ILRUN: variants seen among roughly 807,000 people sequenced by gnomAD.
The protein encoded by ILRUN is protein ILRUN.
A neutral mutation model predicts 33.8 loss-of-function variants in ILRUN; 3 were observed. The observed-to-expected ratio is 0.09, with a 90% CI of 0.04 to 0.23. The LOEUF (loss-of-function observed/expected upper bound fraction) is 0.23. Among genes scored for constraint, ILRUN ranks in the 10% least tolerant of loss-of-function variants. The probability of loss-of-function intolerance (pLI) is 1.00; values close to 1 mark genes in which losing one functional copy is unlikely to be tolerated. For missense variants in ILRUN, 210 were observed against 375.1 expected (o/e 0.56, Z 3.64); for synonymous variants, 124 against 138.9 (o/e 0.89, Z 0.75).
At chr6:34,656,855 A>C (rs930773141) in intron 1 of ILRUN, among the ~76,000 whole-genome samples, 1 of 152,232 alleles carries the variant, frequency 6.6e-6, no homozygotes, top group Non-Finnish European at 1.5e-5. Context: ...TGGCCTGCCT[A>C]TGGTATATGT....
intron 3 of ILRUN, among the ~76,000 whole-genome samples, chr6:34,625,659 T>C (rs1271314690): frequency 1.3e-5 from 2 of 152,060 alleles, no homozygotes; most frequent in African/African-American, 4.8e-5. Context: ...TTAACCAGAG[T>C]TTATGCTTTT....
At chr6:34,670,421 T>C (rs559308655) in intron 1 of ILRUN, among the ~76,000 whole-genome samples, 2 of 152,208 alleles carry the variant, frequency 1.3e-5, no homozygotes, top group Non-Finnish European at 2.9e-5. Context: ...ATGCAAATTA[T>C]ACTTCAGTAA....
chr6:34,605,318 C>CAAAAAAAAAAAAAAAAA (rs78612898), intron 4 of ILRUN, among the ~76,000 whole-genome samples: 1 of 74,146 alleles, frequency 1.3e-5, no homozygotes, highest in Non-Finnish European at 2.7e-5. Flanking sequence ...AAAACAAAAA[C>CAAAAAAAAAAAAAAAAA]AAAAAAAAAA....
At position 34,680,866 on chromosome 6, in the gene ILRUN, GAA is replaced by G. The variant is rs371372782; in HGVS notation, c.158+15578_158+15579del. On this transcript the variant is annotated intron_variant, in intron 1 of 4. Transcript: ENST00000374023. The stretch of plus-strand genomic sequence containing the variant: ...AAAAGGCTTTAGAACAGGAAAGAAA[GAA>G]AAAGTACACCTGGAAGAGACCCAAG... 2.0e-3 allele frequency among the ~76,000 whole-genome samples: 304 copies of G among 151,618 alleles called. 1 individual carries two copies. Among genetic ancestry groups the G allele is most frequent in the African/African-American group, 6.9e-3 (287 of 41,362 alleles).
intron 1 of ILRUN, among the ~76,000 whole-genome samples, chr6:34,663,621 G>C (rs1362097837): frequency 6.6e-6 from 1 of 152,142 alleles, no homozygotes; most frequent in African/African-American, 2.4e-5. Context: ...TGGGAATATA[G>C]GCATGAGCCA....
chr6:34,665,667 A>G (rs1267860470), intron 1 of ILRUN, among the ~76,000 whole-genome samples: 1 of 152,078 alleles, frequency 6.6e-6, no homozygotes, highest in Non-Finnish European at 1.5e-5. Flanking sequence ...GGCCTCAAGC[A>G]ATCCTCCAAC....
At chr6:34,605,597 C>T (rs1761613323) in intron 4 of ILRUN, among the ~76,000 whole-genome samples, 1 of 152,050 alleles carries the variant, frequency 6.6e-6, no homozygotes, top group African/African-American at 2.4e-5. Context: ...TCACTACACT[C>T]CAGCCTGGGT....
intron 3 of ILRUN, among the ~76,000 whole-genome samples, chr6:34,637,861 CTGCTGTTGT>C (rs1440766773): frequency 1.3e-4 from 13 of 102,010 alleles, no homozygotes; most frequent in South Asian, 3.3e-4. Context: ...GCTGCTGCTG[CTGCTGTTGT>C]TGTTGTTGTT....
intron 1 of ILRUN, among the ~76,000 whole-genome samples, chr6:34,690,675 T>C (rs1400569397): frequency 6.6e-6 from 1 of 152,156 alleles, no homozygotes; most frequent in Non-Finnish European, 1.5e-5. Context: ...CTTTTAGTAA[T>C]TTCAATTAAT....
chr6:34,674,151 G>A (rs538200536), intron 1 of ILRUN, among the ~76,000 whole-genome samples: 2 of 151,870 alleles, frequency 1.3e-5, no homozygotes, highest in African/African-American at 2.4e-5. Flanking sequence ...CTCAGCCTCC[G>A]GAGTAGCTGG....
At chr6:34,631,977 G>A (rs1248486162) in intron 3 of ILRUN, among the ~76,000 whole-genome samples, 2 of 152,074 alleles carry the variant, frequency 1.3e-5, no homozygotes, top group African/African-American at 4.8e-5. Flanking sequence ...ACTGAAAACT[G>A]TGTTTTTAAA....
intron 3 of ILRUN, among the ~76,000 whole-genome samples, chr6:34,619,983 T>TC (rs1247161514): frequency 4.2e-5 from 4 of 95,110 alleles, no homozygotes; most frequent in Non-Finnish European, 7.9e-5. Flanking sequence ...AGACTCTGTC[T>TC]CCAAAAAAAA....
chr6:34,629,430 A>G (rs1762201711), intron 3 of ILRUN, among the ~76,000 whole-genome samples: 1 of 152,202 alleles, frequency 6.6e-6, no homozygotes, highest in African/African-American at 2.4e-5. Flanking sequence ...AGACTCCCAA[A>G]GTGCTGGGAT....
rs148182040 is a variant in ILRUN, at chr6:34,657,402, A to C, written c.159-2623T>G. ...GGAACACTAGTAAGTGGGAAAGTCAAGCTACCCAACTTAGGCAGATCCATT... is the reference window on the plus strand; with the variant it reads ...GGAACACTAGTAAGTGGGAAAGTCACGCTACCCAACTTAGGCAGATCCATT... On this transcript the variant is annotated intron_variant, in intron 1 of 4. Coordinates refer to ENST00000374023, the MANE Select transcript of ILRUN (RefSeq NM_024294.4). Among the ~76,000 whole-genome samples, 44 of 152,382 alleles carry C rather than the reference A, an allele frequency of 2.9e-4. No individual in the cohort carries two copies. In the East Asian group the frequency reaches 7.7e-3, roughly 27 times the overall value.
At position 34,644,894 on chromosome 6, in the gene ILRUN, T is replaced by C. The variant is rs116631716; in HGVS notation, c.511+1707A>G. On this transcript the variant is annotated intron_variant, in intron 3 of 4. Transcript: ENST00000374023. Reference sequence around the variant, plus strand: ...AAGGGCATGGAGAAGTGAAAGCATATGGCATCTTTGGGGACTGACTGTGGG... The same window carrying C: ...AAGGGCATGGAGAAGTGAAAGCATACGGCATCTTTGGGGACTGACTGTGGG... Among the ~76,000 whole-genome samples, 547 of 152,098 alleles carry C rather than the reference T, an allele frequency of 3.6e-3. 3 individuals carry two copies. Among genetic ancestry groups the C allele is most frequent in the African/African-American group, 0.012 (501 of 41,506 alleles).
intron 4 of ILRUN, among the ~76,000 whole-genome samples, chr6:34,603,691 C>G (rs1326688584): frequency 1.3e-5 from 2 of 152,178 alleles, no homozygotes. Flanking sequence ...TATATTAGGA[C>G]TGTATTGCTC....
At position 34,652,450 on chromosome 6, in the gene ILRUN, T is replaced by C. The variant is rs140505073; in HGVS notation, c.313+2175A>G. ...CAGTCCAAACTATGTGTTTGGTCAA[T>C]GACACACTGAACTTTCCTCCAAAGG... On this transcript the variant is annotated intron_variant, in intron 2 of 4. Transcript: ENST00000374023. Among the ~76,000 whole-genome samples the C allele has an allele frequency of 7.9e-5, 12 of 152,332 alleles. No individual in the cohort carries two copies. The East Asian group carries it at 2.1e-3, about 27-fold the overall frequency.
chr6:34,688,073 T>C (rs1202885708), intron 1 of ILRUN, among the ~76,000 whole-genome samples: 1 of 152,076 alleles, frequency 6.6e-6, no homozygotes, highest in East Asian at 1.9e-4. Context: ...GTGATATGTA[T>C]ATACAATGGA....
chr6:34,693,763 T>A (rs538984716), intron 1 of ILRUN, among the ~76,000 whole-genome samples: 2 of 151,530 alleles, frequency 1.3e-5, no homozygotes, highest in African/African-American at 4.8e-5. Flanking sequence ...GCCTCCTGGG[T>A]TCACGCCATT....
Sources: gnomAD v4.1 joint callset for allele counts (sites outside exome capture counted in the v4.1 genomes callset) on GRCh38, gnomAD v4.1.1 for gene constraint, MANE v1.5 for transcripts, NCBI Gene and HGNC (gene_info 2026-07-23, HGNC 2026-07-21) for gene names.